The following MYT1L variants were observed in gnomAD, a reference collection of about 807,000 sequenced individuals.
MYT1L encodes myelin transcription factor 1 like.
MYT1L carries 12 observed loss-of-function variants against 126.7 expected under a neutral mutation model. That is an observed-to-expected ratio of 0.09 (90% CI 0.06 to 0.15). The LOEUF (loss-of-function observed/expected upper bound fraction) is 0.15. MYT1L is among the 10% of genes least tolerant of loss of function. The pLI is 1.00. For missense variants in MYT1L, 979 were observed against 1,585.2 expected, an observed-to-expected ratio of 0.62 and a Z score of 6.49; for synonymous variants, 541 against 604.2, an observed-to-expected ratio of 0.90 and a Z score of 1.53.
intron 4 of MYT1L, among the ~76,000 whole-genome samples, chr2:2,007,931 A>G (rs2063480786): frequency 6.6e-6 from 1 of 152,170 alleles, no homozygotes; most frequent in Admixed American, 6.5e-5. Flanking sequence ...GAGGGGGAGG[A>G]GAGGAGCCTG....
chr2:1,838,438 A>C lies in MYT1L; in HGVS notation c.3080+711T>G, dbSNP rs78512050. 3.7e-4 allele frequency among the ~76,000 whole-genome samples: 57 copies of C among 152,294 alleles called. 1 individual carries two copies. Among genetic ancestry groups the C allele is most frequent in the African/African-American group, 1.3e-3 (52 of 41,552 alleles). On this transcript the variant is annotated intron_variant, in intron 21 of 24. Coordinates refer to ENST00000647738, the MANE Select transcript of MYT1L (RefSeq NM_001303052.2). ...AGAAAGTGGCATATAGGGCAGCAGA[A>C]AGGAAACCATTGTAAATCTCCCCAA...
rs150086146 is a variant in MYT1L, at chr2:2,155,125, C to CTCAA, written c.-304+17743_-304+17746dup. Among the ~76,000 whole-genome samples the CTCAA allele has an allele frequency of 4.9e-3, 749 of 152,132 alleles. 15 individuals are homozygous for CTCAA. Among genetic ancestry groups the CTCAA allele is most frequent in the East Asian group, 0.037 (192 of 5,162 alleles). On this transcript the variant is annotated intron_variant, in intron 3 of 24. Transcript: ENST00000647738. ...CTGGGCAACAAGAGTGAAACTCCATCTCAATCAATCAATCAATCAATCAAT... is the reference window on the plus strand; with the variant it reads ...CTGGGCAACAAGAGTGAAACTCCATCTCAATCAATCAATCAATCAATCAATCAAT...
chr2:2,088,129 G>C (rs568621722), intron 3 of MYT1L, among the ~76,000 whole-genome samples: 2 of 152,346 alleles, frequency 1.3e-5, no homozygotes, highest in South Asian at 4.1e-4. Flanking sequence ...TACAGCACTA[G>C]AGCTGAGCCA....
intron 3 of MYT1L, among the ~76,000 whole-genome samples, chr2:2,118,696 G>T (rs1030439503): frequency 2.0e-5 from 3 of 152,092 alleles, no homozygotes; most frequent in South Asian, 2.1e-4. Flanking sequence ...CAGTCATTTT[G>T]CTTGGATTTT....
rs1301341612 is a variant in MYT1L at position 1,986,942 on chromosome 2, A to G, written c.1-7165T>C. On this transcript the variant is annotated intron_variant, in intron 5 of 24. Coordinates refer to ENST00000647738, the MANE Select transcript of MYT1L (RefSeq NM_001303052.2). ...TGGGCAGGAAGGCACCCCTTCCAGA[A>G]CTTCAGAGGAAACATCAAGTCAGGT... Among the ~76,000 whole-genome samples, 4 of 152,238 alleles carry G rather than the reference A, an allele frequency of 2.6e-5. No homozygotes were observed. In the East Asian group the frequency reaches 7.7e-4, roughly 29 times the overall value.
intron 3 of MYT1L, among the ~76,000 whole-genome samples, chr2:2,163,773 A>C (rs1194331428): frequency 6.6e-6 from 1 of 151,730 alleles, no homozygotes; most frequent in Non-Finnish European, 1.5e-5. Flanking sequence ...AAAACAACAC[A>C]AACAAAAAGA....
intron 2 of MYT1L, among the ~76,000 whole-genome samples, chr2:2,240,688 T>A (rs1399565218): frequency 2.0e-5 from 3 of 152,212 alleles, no homozygotes; most frequent in Admixed American, 1.3e-4. Flanking sequence ...GTCGCTGACA[T>A]AGCGGTGTCC....
At chr2:2,291,987 GC>G (rs2149466434) in intron 1 of MYT1L, among the ~76,000 whole-genome samples, 1 of 152,348 alleles carries the variant, frequency 6.6e-6, no homozygotes, top group Admixed American at 6.5e-5. Context: ...GGGTGGCTGT[GC>G]CCGGGCTGAG....
chr2:1,887,429 A>G lies in MYT1L; in HGVS notation c.2642+59T>C. 6.2e-7 allele frequency: 1 copy of G among 1,611,110 alleles called. No homozygotes were observed. Among genetic ancestry groups the G allele is most frequent in the Non-Finnish European group, 8.5e-7 (1 of 1,177,554 alleles). On this transcript the variant is annotated intron_variant, in intron 17 of 24. Transcript: ENST00000647738. This position sits in a 1 kb window ranked among gnomAD's most constrained non-coding sequence, Gnocchi z 4.8. ...GCATATACAGATCCAGTTTTAAAAA[A>G]TCAGCCAAAGAATGGGAAGATTAAG... is the stretch of plus-strand genomic sequence containing the variant.
chr2:2,137,020 T>A (rs2083153872), intron 3 of MYT1L, among the ~76,000 whole-genome samples: 1 of 152,096 alleles, frequency 6.6e-6, no homozygotes, highest in South Asian at 2.1e-4. Context: ...TGTGCAAAAA[T>A]CACAAGCATT....
At chr2:2,301,702 C>T (rs1432437654) in intron 1 of MYT1L, among the ~76,000 whole-genome samples, 1 of 151,688 alleles carries the variant, frequency 6.6e-6, no homozygotes, top group African/African-American at 2.4e-5. Flanking sequence ...ATGATGGCAC[C>T]TGCCTGTAGT....
intron 3 of MYT1L, among the ~76,000 whole-genome samples, chr2:2,063,274 C>T (rs2070772354): frequency 6.6e-6 from 1 of 152,214 alleles, no homozygotes; most frequent in African/African-American, 2.4e-5. Flanking sequence ...CTTTGTTTCT[C>T]TTCAACAGTC....
intron 4 of MYT1L, among the ~76,000 whole-genome samples, chr2:2,003,536 G>A (rs1378667807): frequency 6.6e-6 from 1 of 152,230 alleles, no homozygotes; most frequent in Non-Finnish European, 1.5e-5. Context: ...CATGGCCTGT[G>A]GGCCTGCTGC....
At chr2:2,078,020 A>T (rs1428947511) in intron 3 of MYT1L, among the ~76,000 whole-genome samples, 1 of 152,246 alleles carries the variant, frequency 6.6e-6, no homozygotes, top group Non-Finnish European at 1.5e-5. Flanking sequence ...ATAAAGAAGT[A>T]ATTTGTATAG....
chr2:2,329,862 C>A (rs2096274267), intron 1 of MYT1L, among the ~76,000 whole-genome samples: 1 of 151,990 alleles, frequency 6.6e-6, no homozygotes, highest in Non-Finnish European at 1.5e-5. Context: ...TCAGAAAAAA[C>A]AAACTTCCTT....
At chr2:1,898,758 C>G (rs1359901796) in intron 14 of MYT1L, among the ~76,000 whole-genome samples, 6 of 152,208 alleles carry the variant, frequency 3.9e-5, no homozygotes, top group Non-Finnish European at 7.3e-5. Flanking sequence ...AAAACTTCAC[C>G]AGGGAGCGGC....
At chr2:2,056,645 A>G (rs1241898265) in intron 3 of MYT1L, among the ~76,000 whole-genome samples, 1 of 152,184 alleles carries the variant, frequency 6.6e-6, no homozygotes, top group African/African-American at 2.4e-5. Flanking sequence ...AGGAATATGC[A>G]CCCACGGTTC....
chr2:2,275,297 C>T (rs2095340203), intron 2 of MYT1L, among the ~76,000 whole-genome samples: 1 of 151,214 alleles, frequency 6.6e-6, no homozygotes, highest in Non-Finnish European at 1.5e-5. Context: ...GAGACTATCA[C>T]ATTGCTGGGG....
intron 2 of MYT1L, among the ~76,000 whole-genome samples, chr2:2,197,701 ACAC>A (rs2092871304): frequency 6.6e-6 from 1 of 152,022 alleles, no homozygotes; most frequent in Non-Finnish European, 1.5e-5. Context: ...ATGCACACAC[ACAC>A]AACGAATGTG....
Sources: allele counts gnomAD v4.1 joint callset (sites outside exome capture counted in the v4.1 genomes callset), GRCh38; gene constraint gnomAD v4.1.1; non-coding constraint Gnocchi (gnomAD v3.1); transcripts MANE v1.5; gene names NCBI Gene and HGNC (gene_info 2026-07-23, HGNC 2026-07-21).